The following LAMA3 variants were observed in gnomAD, a reference collection of about 807,000 sequenced individuals.
The protein encoded by LAMA3 is laminin subunit alpha 3.
Under a neutral mutation model 402.0 loss-of-function variants are expected in LAMA3, and 281 were observed. The observed-to-expected ratio is 0.70, with a 90% confidence interval of 0.63 to 0.77. The LOEUF (loss-of-function observed/expected upper bound fraction) is 0.77. Among genes scored for constraint, LAMA3 ranks in the 30% least tolerant of loss-of-function variants. The probability of loss-of-function intolerance (pLI) is 0.00; values close to 1 mark genes in which losing one functional copy is unlikely to be tolerated. For missense variants in LAMA3, 3,840 were observed against 4,215.5 expected (o/e 0.91, Z 2.47); for synonymous variants, 1,431 against 1,558.4 (o/e 0.92, Z 1.93).
intron 47 of LAMA3, among the ~76,000 whole-genome samples, chr18:23,900,173 C>T (rs6508024): frequency 0.023 from 3,552 of 152,136 alleles, 138 homozygotes; most frequent in African/African-American, 0.082. Flanking sequence ...TGAGTTCAAG[C>T]GGTTCTCATG....
At chr18:23,909,322 G>A (rs1209506790) in intron 55 of LAMA3, 27 bp downstream of exon 55, 3 of 1,601,826 alleles carry the variant, frequency 1.9e-6, no homozygotes, top group South Asian at 2.2e-5. Context: ...GTGGTCAGTG[G>A]CCAAGGCTAG....
In LAMA3 at chr18:23,709,885, CCTT is replaced by C. The variant is rs2060957889; in HGVS notation, c.295-4029_295-4027del. On this transcript the variant is annotated intron_variant, in intron 1 of 74. Transcript: ENST00000313654. The stretch of plus-strand genomic sequence containing the variant: ...TAATCAGGAGCCAGTTGAACATATG[CCTT>C]CTTCTCTCCATCAGGCCTAATCAGG... The C allele has an allele frequency of 1.1e-5, 8 of 733,998 alleles. No individual in the cohort carries two copies. In the East Asian group the frequency reaches 2.0e-4, roughly 19 times the overall value. The allele number at this position is 733,998 out of a possible 1,614,324, so 45.5% of individuals were successfully genotyped here.
intron 42 of LAMA3, among the ~76,000 whole-genome samples, chr18:23,893,391 C>T (rs891177447): frequency 7.2e-5 from 11 of 152,140 alleles, no homozygotes; most frequent in East Asian, 1.9e-4. Flanking sequence ...TTATCCAGCC[C>T]GGCCAATATG....
intron 23 of LAMA3, among the ~76,000 whole-genome samples, chr18:23,829,060 T>C (rs2063442684): frequency 6.6e-6 from 1 of 152,194 alleles, no homozygotes; most frequent in Non-Finnish European, 1.5e-5. Flanking sequence ...AGGTTAATAT[T>C]TCTCCAGTGA....
In LAMA3 at chr18:23,901,236, T is replaced by C. The variant is rs779638036; in HGVS notation, c.6114T>C (p.Leu2038=). 2.5e-6 allele frequency: 4 copies of C among 1,614,048 alleles called. No individual in the cohort carries two copies. In the East Asian group the frequency reaches 8.9e-5, roughly 36 times the overall value. ...AATACGAAGCCAAACTCAGTGACCT[T>C]CGTGCTCGGCTGCAGGAGGCAGCTG... ...LNEYEAKLSD[L]RARLQEAAAQ... Residue 2038 remains leucine (L), a synonymous_variant, in exon 48 of 75, where the codon CTT becomes CTC. Coordinates refer to ENST00000313654, the MANE Select transcript of LAMA3 (RefSeq NM_198129.4).
At chr18:23,928,033 G>A (rs1436398155) in intron 62 of LAMA3, 90 bp from the exon 63 acceptor site, 1 of 909,324 alleles carries the variant, frequency 1.1e-6, no homozygotes, top group African/African-American at 1.6e-5. Flanking sequence ...ATTTATGGGT[G>A]AAAAGTACTA....
chr18:23,833,767 C>G, intron 23 of LAMA3, 61 bp from the exon 24 acceptor site: 1 of 1,582,088 alleles, frequency 6.3e-7, no homozygotes, highest in Non-Finnish European at 8.7e-7. Context: ...ATTGCTGATG[C>G]AAGTGTGGCC....
Position 23,826,769 on chromosome 18 carries a change from C to A in LAMA3, c.2639C>A (p.Pro880Gln). ...GTACTGCAGCTGCCAGTCACAGAAC[C>A]ATGTGCCTACGCAGGACCTCCCCAA... The part of the protein sequence containing the change: ...ASVLQLPVTE[P>Q]CAYAGPPQEN... The change falls in exon 22 of 75, where the codon CCA becomes CAA. Residue 880 changes from proline to glutamine, a missense_variant. Physicochemically the swap from Pro to Gln is moderately conservative, Grantham distance 76. This residue lies in a region of LAMA3 where 2,109 missense variants were observed against 2,376.0 expected (regional missense o/e 0.89). Transcript: ENST00000313654. 1 of 1,566,244 alleles carries A rather than the reference C, an allele frequency of 6.4e-7. No homozygotes were observed. Among genetic ancestry groups the A allele is most frequent in the Non-Finnish European group, 8.7e-7 (1 of 1,153,658 alleles).
chr18:23,879,118 C>A lies in LAMA3; in HGVS notation c.5112+2711C>A, dbSNP rs1031685836. Among the ~76,000 whole-genome samples, 2 of 152,094 alleles carry A rather than the reference C, an allele frequency of 1.3e-5. No homozygotes were observed. The highest frequency in any genetic ancestry group is 4.8e-5 in the African/African-American group (2 of 41,400). ...ATTTTCTGCTACTTGAGCCCATCTT[C>A]CCCTCTGCAGTTGCAATGGAATTTC... is the stretch of plus-strand genomic sequence containing the variant. On this transcript the variant is annotated intron_variant, in intron 39 of 74. Transcript: ENST00000313654. The surrounding 1 kb of genome is among the most constrained non-coding windows in gnomAD (Gnocchi z 4.2).
At chr18:23,903,552 C>G (rs764269601) in intron 49 of LAMA3, among the ~76,000 whole-genome samples, 4 of 152,082 alleles carry the variant, frequency 2.6e-5, no homozygotes, top group Non-Finnish European at 2.9e-5. Flanking sequence ...ATGTGCATAA[C>G]GTGCAGGTTA....
chr18:23,915,502 G>C (rs1235623493), intron 59 of LAMA3, 80 bp downstream of exon 59: 12 of 1,363,462 alleles, frequency 8.8e-6, no homozygotes, highest in Non-Finnish European at 1.1e-5. Context: ...ATAAAGGATG[G>C]GCCAGTGAGA....
At chr18:23,690,598 C>A (rs906815244) in intron 1 of LAMA3, among the ~76,000 whole-genome samples, 4 of 152,090 alleles carry the variant, frequency 2.6e-5, no homozygotes, top group African/African-American at 9.7e-5. Flanking sequence ...AACGACATTG[C>A]GGTGCATGTT....
chr18:23,902,641 G>A (rs1840382738), intron 48 of LAMA3, among the ~76,000 whole-genome samples: 1 of 152,216 alleles, frequency 6.6e-6, no homozygotes, highest in Non-Finnish European at 1.5e-5. Context: ...TCAAGTGCCT[G>A]CTGTGTTCTC....
At chr18:23,708,316 C>T (rs772086621) in intron 1 of LAMA3, among the ~76,000 whole-genome samples, 23 of 152,146 alleles carry the variant, frequency 1.5e-4, no homozygotes, top group Admixed American at 2.6e-4. Context: ...TTCCTCCTCC[C>T]GGTCTTCTTC....
At chr18:23,927,781 G>A (rs1003072933) in intron 62 of LAMA3, among the ~76,000 whole-genome samples, 3 of 151,742 alleles carry the variant, frequency 2.0e-5, no homozygotes, top group Admixed American at 1.3e-4. Flanking sequence ...ATTAATACAT[G>A]TCCTATCCAC....
intron 2 of LAMA3, among the ~76,000 whole-genome samples, chr18:23,743,659 C>G (rs1454524397): frequency 6.6e-6 from 1 of 152,204 alleles, no homozygotes; most frequent in African/African-American, 2.4e-5. Flanking sequence ...GTGCCTCACA[C>G]TCCCCCTTTT....
At chr18:23,765,443 T>A (rs961072042) in intron 8 of LAMA3, among the ~76,000 whole-genome samples, 15 of 152,230 alleles carry the variant, frequency 9.9e-5, no homozygotes, top group Non-Finnish European at 1.9e-4. Flanking sequence ...AGTCAGAATG[T>A]GCAGCTTGAG....
chr18:23,905,655 A>C, intron 52 of LAMA3, 31 bp downstream of exon 52: 1 of 1,306,062 alleles, frequency 7.7e-7, no homozygotes, highest in Non-Finnish European at 1.1e-6. Context: ...TGGCAGGGAT[A>C]GTCAGGAGCT....
chr18:23,920,802 A>G, intron 60 of LAMA3, 133 bp from the exon 61 acceptor site: 1 of 1,037,738 alleles, frequency 9.6e-7, no homozygotes, highest in East Asian at 2.4e-5. Flanking sequence ...CTGTTGCAGC[A>G]CCATTATCCC....
Sources: gnomAD v4.1 joint callset for allele counts (sites outside exome capture counted in the v4.1 genomes callset) on GRCh38, gnomAD v4.1.1 for gene constraint, gnomAD v4.1.1 regional missense constraint, Gnocchi (gnomAD v3.1) non-coding constraint, MANE v1.5 for transcripts, NCBI Gene and HGNC (gene_info 2026-07-23, HGNC 2026-07-21) for gene names.